TCTN3: variants seen among roughly 807,000 people sequenced by gnomAD.
TCTN3 encodes tectonic family member 3.
TCTN3 carries 57 observed loss-of-function variants against 71.3 expected under a neutral mutation model. The ratio of observed to expected loss-of-function variants is 0.80; its 90% CI spans 0.65 to 1.00. The LOEUF (loss-of-function observed/expected upper bound fraction) is 1.00. Among genes scored for constraint, TCTN3 ranks in the 50% least tolerant of loss-of-function variants. The pLI is 0.00. For missense variants in TCTN3, 696 were observed against 719.9 expected (o/e 0.97, Z 0.38); for synonymous variants, 258 against 267.8 (o/e 0.96, Z 0.36).
chr10:95,673,733 G>A (rs1009030706), intron 13 of TCTN3, among the ~76,000 whole-genome samples: 2 of 152,018 alleles, frequency 1.3e-5, no homozygotes, highest in South Asian at 2.1e-4. Context: ...TAGCTACCTC[G>A]GGAGGCTGAG....
chr10:95,692,994 C>T lies in TCTN3; in HGVS notation c.425G>A (p.Ser142Asn), dbSNP rs2097954994. ...VCVDNSVIFR[S>N]NSPFPSRVFM... is the part of the protein sequence containing the mutation. ...AACTCTTGAAGGAAACGGGGAATTA[C>T]TCCTGAAGATAACAGAGTTGTCTAC... Residue 142 changes from serine to asparagine, a missense_variant, in exon 3 of 14, where the codon AGT becomes AAT. Coordinates refer to ENST00000371217, the MANE Select transcript of TCTN3 (RefSeq NM_015631.6). 6.2e-7 allele frequency: 1 copy of T among 1,614,046 alleles called. No homozygotes were observed.
At chr10:95,682,421 G>A (rs576640223) in intron 12 of TCTN3, among the ~76,000 whole-genome samples, 1 of 152,078 alleles carries the variant, frequency 6.6e-6, no homozygotes, top group South Asian at 2.1e-4. Flanking sequence ...TTGAACCCGG[G>A]GGGTGGAGGT....
At chr10:95,669,443 G>A (rs1306530497) in intron 13 of TCTN3, among the ~76,000 whole-genome samples, 1 of 152,130 alleles carries the variant, frequency 6.6e-6, no homozygotes, top group Non-Finnish European at 1.5e-5. Flanking sequence ...ACATAGCCAA[G>A]TCTTACCTGT....
At chr10:95,669,181 A>C (rs1016967973) in intron 13 of TCTN3, among the ~76,000 whole-genome samples, 1 of 152,232 alleles carries the variant, frequency 6.6e-6, no homozygotes, top group African/African-American at 2.4e-5. Context: ...AAGTCAATAC[A>C]TTATCTGTGA....
intron 3 of TCTN3, among the ~76,000 whole-genome samples, chr10:95,691,571 T>C (rs2097953544): frequency 6.6e-6 from 1 of 152,202 alleles, no homozygotes; most frequent in Non-Finnish European, 1.5e-5. Flanking sequence ...CAAAAACTGG[T>C]TGTTTTCTGA....
chr10:95,685,857 G>T (rs1424800232), intron 7 of TCTN3, among the ~76,000 whole-genome samples: 1 of 152,066 alleles, frequency 6.6e-6, no homozygotes, highest in African/African-American at 2.4e-5. Context: ...ATAAAACAAG[G>T]GTTCCATAGT....
At chr10:95,664,378 T>C in intron 13 of TCTN3, 78 bp from the exon 14 acceptor site, 1 of 1,204,984 alleles carries the variant, frequency 8.3e-7, no homozygotes, top group East Asian at 2.3e-5. Flanking sequence ...TTATTATTAC[T>C]TTCCCTGAAG....
chr10:95,673,552 CT>C (rs930761249), intron 13 of TCTN3, among the ~76,000 whole-genome samples: 18 of 147,830 alleles, frequency 1.2e-4, no homozygotes, highest in Admixed American at 2.7e-4. Context: ...AAAAAAGAAA[CT>C]TTTTTTTTTT....
Position 95,680,479 on chromosome 10 carries a change from G to A in TCTN3, c.1583C>T (p.Ser528Phe). 1 of 1,613,896 alleles carries A rather than the reference G, an allele frequency of 6.2e-7. No individual in the cohort carries two copies. The highest frequency in any genetic ancestry group is 8.5e-7 in the Non-Finnish European group (1 of 1,179,896). ...TTATGAGCCATGACTTACCTGTATA[G>A]ACTGGCACTGGTATAGGAATCGAAC... is the stretch of plus-strand genomic sequence containing the variant. The part of the protein sequence containing the change: ...SGVRFLYQCQ[S>F]IQDSQQVTEV... Residue 528 changes from serine to phenylalanine, a missense_variant, in exon 13 of 14, where the codon TCT becomes TTT. Physicochemically the swap from Ser to Phe is radical, Grantham distance 155. Coordinates refer to ENST00000371217, the MANE Select transcript of TCTN3 (RefSeq NM_015631.6).
At chr10:95,682,266 C>T (rs1165281992) in intron 12 of TCTN3, among the ~76,000 whole-genome samples, 2 of 151,184 alleles carry the variant, frequency 1.3e-5, no homozygotes, top group African/African-American at 4.9e-5. Flanking sequence ...CCGAGGCAGG[C>T]GGATCACAAG....
chr10:95,672,590 T>A (rs1401479992), intron 13 of TCTN3, among the ~76,000 whole-genome samples: 4 of 152,100 alleles, frequency 2.6e-5, no homozygotes, highest in Non-Finnish European at 5.9e-5. Context: ...AGCGCACGGT[T>A]TTAATTTGCA....
intron 2 of TCTN3, 85 bp downstream of exon 2, chr10:95,693,268 C>A: frequency 1.3e-6 from 2 of 1,525,758 alleles, no homozygotes; most frequent in Non-Finnish European, 1.8e-6. Context: ...GTGGGAGGCA[C>A]AAAGACTAAC....
In TCTN3 at chr10:95,676,255, T is replaced by C. The variant is rs1217816832; in HGVS notation, c.1590+4217A>G. ...AGAATAAACCAGAATAGAAAATATC[T>C]TTTTTTTTTTTTTTTTTGAGAAAAA... is the stretch of plus-strand genomic sequence containing the variant. On this transcript the variant is annotated intron_variant, in intron 13 of 13. Transcript: ENST00000371217. Among the ~76,000 whole-genome samples, 12 of 134,562 alleles carry C rather than the reference T, an allele frequency of 8.9e-5. No homozygotes were observed. The East Asian group carries it at 1.9e-3, about 21-fold the overall frequency. 88.3% of individuals were successfully genotyped at this position (134,562 alleles called of 152,430 possible). A position where few individuals can be genotyped will look rare whatever the true frequency, so the allele number is the denominator to read the frequency against.
At chr10:95,682,947 GA>G (rs2097944512) in intron 11 of TCTN3, 143 bp from the exon 12 acceptor site, 1 of 1,279,264 alleles carries the variant, frequency 7.8e-7, no homozygotes. Flanking sequence ...ACAATTGCCA[GA>G]AAACTCTTAG....
rs10654251 is a variant in TCTN3, at chr10:95,677,474, G to GTTTTTTTTTTTTTTTTTTTTT, written c.1590+2997_1590+2998insAAAAAAAAAAAAAAAAAAAAA. Among the ~76,000 whole-genome samples, 32 of 80,750 alleles carry GTTTTTTTTTTTTTTTTTTTTT rather than the reference G, an allele frequency of 4.0e-4. 6 individuals carry two copies. Among genetic ancestry groups the GTTTTTTTTTTTTTTTTTTTTT allele is most frequent in the Non-Finnish European group, 4.2e-4 (14 of 33,248 alleles). 53.0% of individuals were successfully genotyped at this position (80,750 alleles called of 152,430 possible). A position where few individuals can be genotyped will look rare whatever the true frequency, so the allele number is the denominator to read the frequency against. Reference sequence around the variant, plus strand: ...ATACAAGAAGATAGTGAAGTCTACAGTTTTTTTTGTTTTTTTTTTTTTTTT... The same window carrying GTTTTTTTTTTTTTTTTTTTTT: ...ATACAAGAAGATAGTGAAGTCTACAGTTTTTTTTTTTTTTTTTTTTTTTTTTTTTGTTTTTTTTTTTTTTTT... On this transcript the variant is annotated intron_variant, in intron 13 of 13. Transcript: ENST00000371217.
At chr10:95,671,886 G>A (rs913459118) in intron 13 of TCTN3, among the ~76,000 whole-genome samples, 1 of 152,102 alleles carries the variant, frequency 6.6e-6, no homozygotes, top group Admixed American at 6.6e-5. Flanking sequence ...GTGAGCCACT[G>A]TGCCTGGCCT....
At position 95,671,113 on chromosome 10, in the gene TCTN3, A is replaced by AT. The variant is rs1237616086; in HGVS notation, c.1591-6814dup. Among the ~76,000 whole-genome samples the AT allele has an allele frequency of 1.8e-4, 27 of 152,308 alleles. 2 individuals are homozygous for AT. The highest frequency in any genetic ancestry group is 5.1e-4 in the African/African-American group (21 of 41,570). On this transcript the variant is annotated intron_variant, in intron 13 of 13. Coordinates refer to ENST00000371217, the MANE Select transcript of TCTN3 (RefSeq NM_015631.6). Reference sequence around the variant, plus strand: ...GGCAAAATTAGAGAATTCACTGTTTATTTAGTGTGTGCAACAGGAAGAGCA... The same window carrying AT: ...GGCAAAATTAGAGAATTCACTGTTTATTTTAGTGTGTGCAACAGGAAGAGCA...
intron 3 of TCTN3, among the ~76,000 whole-genome samples, chr10:95,689,078 A>C (rs1440374281): frequency 2.0e-5 from 3 of 152,194 alleles, no homozygotes; most frequent in Non-Finnish European, 2.9e-5. Flanking sequence ...ATAACATCTT[A>C]ATTACCTGAC....
intron 13 of TCTN3, among the ~76,000 whole-genome samples, chr10:95,673,009 C>T (rs1434605498): frequency 1.3e-5 from 2 of 151,966 alleles, no homozygotes; most frequent in South Asian, 2.1e-4. Context: ...AGTATCTGTT[C>T]AAATCTTTTG....
Sources: gnomAD v4.1 joint callset for allele counts (sites outside exome capture counted in the v4.1 genomes callset) on GRCh38, gnomAD v4.1.1 for gene constraint, MANE v1.5 for transcripts, NCBI Gene and HGNC (gene_info 2026-07-23, HGNC 2026-07-21) for gene names.